Variants in PEX13 observed in about 807,000 individuals in gnomAD.
The protein encoded by PEX13 is peroxisomal biogenesis factor 13.
In PEX13, 28 loss-of-function variants were observed where a neutral mutation model predicts 34.5. That is an observed-to-expected ratio of 0.81 (90% CI 0.60 to 1.11). The LOEUF (loss-of-function observed/expected upper bound fraction) is 1.11. Among genes scored for constraint, PEX13 ranks in the 50% most tolerant of loss-of-function variants. The pLI is 0.00. For synonymous variants in PEX13, 177 were observed against 175.1 expected (o/e 1.01, Z -0.09); for missense variants, 550 against 491.0 (o/e 1.12, Z -1.13).
chr2:61,043,785 T>A (rs994262520), intron 2 of PEX13, among the ~76,000 whole-genome samples: 2 of 152,226 alleles, frequency 1.3e-5, no homozygotes, highest in African/African-American at 4.8e-5. Flanking sequence ...GATCCCGACT[T>A]GCCCTACCGC....
At position 61,048,896 on chromosome 2, in the gene PEX13, C is replaced by A; in HGVS notation, c.*126C>A. On this transcript the variant is annotated 3_prime_UTR_variant, in exon 4 of 4. Coordinates refer to ENST00000295030, the MANE Select transcript of PEX13 (RefSeq NM_002618.4). ...ATTGGCTATTTCAGGTGTTTTGCTG[C>A]TAGAAATTATTAAAGTTACACACTA... The A allele has an allele frequency of 2.4e-6, 2 of 829,064 alleles. No homozygotes were observed. Among genetic ancestry groups the A allele is most frequent in the South Asian group, 1.6e-5 (1 of 63,102 alleles). 51.4% of individuals were successfully genotyped at this position (829,064 alleles called of 1,614,324 possible).
intron 1 of PEX13, among the ~76,000 whole-genome samples, chr2:61,025,048 A>G (rs530240857): frequency 1.3e-5 from 2 of 151,908 alleles, no homozygotes; most frequent in Non-Finnish European, 2.9e-5. Flanking sequence ...AGCTCTTTGT[A>G]TTATCTGAAG....
At chr2:61,024,531 C>T (rs115362404) in intron 1 of PEX13, among the ~76,000 whole-genome samples, 2,397 of 152,208 alleles carry the variant, frequency 0.016, 30 homozygotes, top group Middle Eastern at 0.037. Flanking sequence ...TCATTGAGGC[C>T]GGGTGCAGTG....
chr2:61,050,320 G>A lies in PEX13; in HGVS notation c.*1550G>A, dbSNP rs979791402. ...GAACCCGGGAGGCAGAGGTTGCAGG[G>A]AGCTGAGATCATGCCACTGCACTCC... On this transcript the variant is annotated 3_prime_UTR_variant, in exon 4 of 4. Transcript: ENST00000295030. The A allele has an allele frequency of 7.9e-5, 12 of 152,336 alleles. No individual in the cohort carries two copies. Among genetic ancestry groups the A allele is most frequent in the African/African-American group, 2.9e-4 (12 of 41,430 alleles). 9.4% of individuals were successfully genotyped at this position (152,336 alleles called of 1,614,324 possible).
chr2:61,030,437 T>G (rs1452429593), intron 1 of PEX13, among the ~76,000 whole-genome samples: 1 of 152,166 alleles, frequency 6.6e-6, no homozygotes, highest in African/African-American at 2.4e-5. Flanking sequence ...CAAAGTCTGT[T>G]TAGTGCCAGG....
chr2:61,043,333 A>T (rs1331924896), intron 2 of PEX13, among the ~76,000 whole-genome samples: 1 of 94,298 alleles, frequency 1.1e-5, no homozygotes, highest in African/African-American at 3.2e-5. Flanking sequence ...TGTCTCTACT[A>T]AAAAAAAAAA....
rs1463784828 is a variant in PEX13, at chr2:61,017,764, C to A, written c.5C>A (p.Ala2Glu). 2 of 1,549,100 alleles carry A rather than the reference C, an allele frequency of 1.3e-6. No homozygotes were observed. The highest frequency in any genetic ancestry group is 2.4e-5 in the East Asian group (1 of 41,058). Residue 2 changes from alanine (A) to glutamate (E), a missense_variant, in exon 1 of 4, where the codon GCG becomes GAG. By Grantham distance (107) the Ala-to-Glu change is moderately radical (BLOSUM62 -1). Transcript: ENST00000295030. The part of the protein sequence containing the change: M[A>E]SQPPPPPKPW... ...AGCCGAGAGGAGGCGGAGGAGATGG[C>A]GTCCCAGCCGCCACCTCCCCCCAAA... is the stretch of plus-strand genomic sequence containing the variant.
At chr2:61,029,193 A>G (rs528553791) in intron 1 of PEX13, among the ~76,000 whole-genome samples, 5 of 152,200 alleles carry the variant, frequency 3.3e-5, no homozygotes, top group African/African-American at 9.6e-5. Flanking sequence ...ATCTGAATAC[A>G]TATTTTTCCA....
At position 61,051,619 on chromosome 2, in the gene PEX13, G is replaced by C. The variant is rs1191820716; in HGVS notation, c.*2849G>C. The C allele has an allele frequency of 1.3e-5, 2 of 152,110 alleles. No homozygotes were observed. The highest frequency in any genetic ancestry group is 2.9e-5 in the Non-Finnish European group (2 of 67,998). 9.4% of individuals were successfully genotyped at this position (152,110 alleles called of 1,614,324 possible). ...TTTTAGCTGAGATTAAATGTTCAAG[G>C]CTCCAATATTATTTTTAGGAACTTA... On this transcript the variant is annotated 3_prime_UTR_variant, in exon 4 of 4. Coordinates refer to ENST00000295030, the MANE Select transcript of PEX13 (RefSeq NM_002618.4).
intron 3 of PEX13, among the ~76,000 whole-genome samples, 173 bp downstream of exon 3, chr2:61,046,024 T>C (rs558465937): frequency 1.3e-5 from 2 of 152,308 alleles, no homozygotes; most frequent in South Asian, 4.1e-4. Context: ...CAGGAAGAAA[T>C]GCCCCAGCAG....
intron 2 of PEX13, among the ~76,000 whole-genome samples, chr2:61,038,792 A>G (rs761058438): frequency 1.1e-4 from 16 of 152,196 alleles, no homozygotes; most frequent in Non-Finnish European, 1.6e-4. Context: ...AGGGTATTCA[A>G]TTAGGAAAAG....
intron 2 of PEX13, among the ~76,000 whole-genome samples, chr2:61,038,595 G>GAT: frequency 6.6e-6 from 1 of 152,134 alleles, no homozygotes; most frequent in African/African-American, 2.4e-5. Flanking sequence ...AGGTATTGAT[G>GAT]GAATGTATCT....
intron 1 of PEX13, among the ~76,000 whole-genome samples, chr2:61,022,497 A>G (rs148745074): frequency 9.8e-5 from 15 of 152,342 alleles, no homozygotes; most frequent in East Asian, 7.7e-4. Flanking sequence ...TATTGTATCA[A>G]CCTTCTATTG....
intron 1 of PEX13, among the ~76,000 whole-genome samples, chr2:61,027,208 C>T (rs1680372527): frequency 6.7e-6 from 1 of 150,164 alleles, no homozygotes; most frequent in South Asian, 2.1e-4. Flanking sequence ...CATGGTGGTG[C>T]ACGCCTGTAG....
intron 2 of PEX13, among the ~76,000 whole-genome samples, chr2:61,032,725 C>A (rs1680472536): frequency 6.6e-6 from 1 of 152,142 alleles, no homozygotes; most frequent in South Asian, 2.1e-4. Flanking sequence ...TATTAGCTCA[C>A]TTTAGAAAAG....
chr2:61,022,231 C>T (rs771321484), intron 1 of PEX13, among the ~76,000 whole-genome samples: 11 of 152,108 alleles, frequency 7.2e-5, no homozygotes, highest in East Asian at 1.9e-4. Flanking sequence ...CAAACTTCTC[C>T]GAGCTAAAGG....
intron 2 of PEX13, among the ~76,000 whole-genome samples, chr2:61,040,642 C>T (rs1030284948): frequency 7.3e-5 from 11 of 151,542 alleles, no homozygotes; most frequent in Admixed American, 3.3e-4. Context: ...ATGTAAACGA[C>T]GAGTTGATGG....
At chr2:61,019,474 C>T (rs1680206195) in intron 1 of PEX13, among the ~76,000 whole-genome samples, 1 of 151,850 alleles carries the variant, frequency 6.6e-6, no homozygotes, top group South Asian at 2.1e-4. Context: ...TGCTTTTTGT[C>T]TTGGTTAAGA....
Position 61,045,752 on chromosome 2 carries a change from G to C in PEX13, c.814G>C (p.Asp272His), listed in dbSNP as rs141757783. Residue 272 changes from aspartate to histidine, a missense_variant, in exon 3 of 4, where the codon GAT becomes CAT. By Grantham distance (81) the Asp-to-His change is moderately conservative (BLOSUM62 -1). Coordinates refer to ENST00000295030, the MANE Select transcript of PEX13 (RefSeq NM_002618.4). ...TDSINWASGE[D>H]DHVVARAEYD... ...CAGCATCAACTGGGCAAGTGGTGAG[G>C]ATGACCATGTAGTTGCCAGAGCAGA... is the stretch of plus-strand genomic sequence containing the variant. 2 of 1,613,288 alleles carry C rather than the reference G, an allele frequency of 1.2e-6. No homozygotes were observed. Among genetic ancestry groups the C allele is most frequent in the African/African-American group, 2.7e-5 (2 of 74,892 alleles).
Sources: allele counts gnomAD v4.1 joint callset (sites outside exome capture counted in the v4.1 genomes callset), GRCh38; gene constraint gnomAD v4.1.1; transcripts MANE v1.5; gene names NCBI Gene and HGNC (gene_info 2026-07-23, HGNC 2026-07-21).